The following DNAH5 variants were observed in gnomAD, a reference collection of about 807,000 sequenced individuals.
DNAH5 encodes the protein dynein axonemal heavy chain 5, also known as axonemal beta dynein heavy chain 5.
In DNAH5, 372 loss-of-function variants were observed where a neutral mutation model predicts 518.2. The ratio of observed to expected loss-of-function variants is 0.72; its 90% CI spans 0.66 to 0.78. DNAH5 has a LOEUF of 0.78. Among genes scored for constraint, DNAH5 ranks in the 30% least tolerant of loss-of-function variants. The probability of loss-of-function intolerance (pLI) is 0.00; values close to 1 mark genes in which losing one functional copy is unlikely to be tolerated. For missense variants in DNAH5, 5,523 were observed against 5,687.0 expected, an observed-to-expected ratio of 0.97 and a Z score of 0.93; for synonymous variants, 2,039 against 2,025.9, an observed-to-expected ratio of 1.01 and a Z score of -0.17.
intron 1 of DNAH5, 56 bp from the exon 2 acceptor site, chr5:13,931,300 T>C: frequency 2.5e-6 from 4 of 1,608,084 alleles, no homozygotes; most frequent in Non-Finnish European, 3.4e-6. Context: ...AGTGGATTCA[T>C]TTTGTAATAA....
chr5:13,850,636 G>A lies in DNAH5; in HGVS notation c.5114+16C>T. Reference sequence around the variant, plus strand: ...CTCAAGGATACCGAGAGCTTTCAAAGAGCCAGTGAACTTACCCAGTAAGGG... The same window carrying A: ...CTCAAGGATACCGAGAGCTTTCAAAAAGCCAGTGAACTTACCCAGTAAGGG... On this transcript the variant is annotated intron_variant, in intron 31 of 78. Coordinates refer to ENST00000265104, the MANE Select transcript of DNAH5 (RefSeq NM_001369.3). The A allele has an allele frequency of 6.2e-7, 1 of 1,612,170 alleles. No homozygotes were observed.
chr5:13,871,470 A>T, intron 23 of DNAH5, 94 bp downstream of exon 23: 2 of 1,142,704 alleles, frequency 1.8e-6, no homozygotes, highest in Non-Finnish European at 2.6e-6. Flanking sequence ...GTCAATCTTT[A>T]AGACAGGTAG....
At chr5:13,770,661 G>A (rs1052095681) in intron 56 of DNAH5, 88 bp downstream of exon 56, 2 of 1,202,192 alleles carry the variant, frequency 1.7e-6, no homozygotes, top group African/African-American at 3.0e-5. Context: ...AATGTCTCCG[G>A]TCATTGCAAA....
At chr5:13,802,451 C>A (rs1758905419) in intron 47 of DNAH5, among the ~76,000 whole-genome samples, 1 of 152,150 alleles carries the variant, frequency 6.6e-6, no homozygotes, top group Non-Finnish European at 1.5e-5. Flanking sequence ...ATAATAAACT[C>A]CCCCAAGGAA....
chr5:13,928,528 G>T (rs1778107722), intron 2 of DNAH5, among the ~76,000 whole-genome samples: 1 of 152,172 alleles, frequency 6.6e-6, no homozygotes, highest in Non-Finnish European at 1.5e-5. Context: ...AGATAAGCAA[G>T]AACAAACCTT....
chr5:13,776,772 T>C (rs1007314351), intron 54 of DNAH5, 66 bp from the exon 55 acceptor site: 2 of 1,548,318 alleles, frequency 1.3e-6, no homozygotes, highest in African/African-American at 2.7e-5. Flanking sequence ...AATGTAGAGC[T>C]TAATACACAG....
chr5:13,729,357 C>T, intron 69 of DNAH5, 82 bp downstream of exon 69: 1 of 1,571,104 alleles, frequency 6.4e-7, no homozygotes, highest in Non-Finnish European at 8.7e-7. Flanking sequence ...AACTATCTCT[C>T]TTCCACAAAT....
chr5:13,765,505 A>T (rs958455028), intron 59 of DNAH5, among the ~76,000 whole-genome samples: 2 of 152,200 alleles, frequency 1.3e-5, no homozygotes, highest in Non-Finnish European at 2.9e-5. Flanking sequence ...CACAAGAGAG[A>T]TTTCTGGGGT....
rs369958239 is a variant in DNAH5, at chr5:13,810,093, C to G, written c.7575G>C (p.Gly2525=). The part of the protein sequence containing the change: ...TLELPPPAGP[G]DTAFDYYVAP... ...CCACATAGTAGTCGAAGGCGGTGTCCCCGGGCCCCGCTGGCGGCGGCAGCT... is the reference window on the plus strand; with the variant it reads ...CCACATAGTAGTCGAAGGCGGTGTCGCCGGGCCCCGCTGGCGGCGGCAGCT... The change falls in exon 45 of 79, where the codon GGG becomes GGC. Residue 2525 remains glycine (G), a synonymous_variant. Transcript: ENST00000265104. The G allele has an allele frequency of 2.1e-5, 33 of 1,552,548 alleles. No homozygotes were observed. The highest frequency in any genetic ancestry group is 2.7e-5 in the African/African-American group (2 of 73,204).
intron 1 of DNAH5, among the ~76,000 whole-genome samples, chr5:13,956,801 C>A (rs1023373692): frequency 5.9e-5 from 9 of 152,188 alleles, no homozygotes; most frequent in East Asian, 3.8e-4. Context: ...GATAGAATTG[C>A]ACACTGAAAT....
chr5:13,812,750 A>T lies in DNAH5; in HGVS notation c.7231-927T>A, dbSNP rs182856591. Among the ~76,000 whole-genome samples, 40 of 152,364 alleles carry T rather than the reference A, an allele frequency of 2.6e-4. No individual in the cohort carries two copies. In the East Asian group the frequency reaches 7.5e-3, roughly 29 times the overall value. On this transcript the variant is annotated intron_variant, in intron 43 of 78. Transcript: ENST00000265104. ...AATTTAGTCATTTGAGAAACCTAGT[A>T]TTAAGAAACTGCATCTCATAAATAC...
At position 13,817,399 on chromosome 5, in the gene DNAH5, A is replaced by G. The variant is rs1046120801; in HGVS notation, c.6988+149T>C. 1.8e-5 allele frequency: 14 copies of G among 758,356 alleles called. No individual in the cohort carries two copies. The African/African-American group carries it at 1.9e-4, about 10-fold the overall frequency. The allele number at this position is 758,356 out of a possible 1,614,324, so 47.0% of individuals were successfully genotyped here. The stretch of plus-strand genomic sequence containing the variant: ...TGTAATCAATAATTCCATTATTTCA[A>G]CTTTCACAAATATCACACTGATTTA... On this transcript the variant is annotated intron_variant, in intron 42 of 78. Transcript: ENST00000265104.
intron 24 of DNAH5, among the ~76,000 whole-genome samples, chr5:13,869,051 G>C (rs762498082): frequency 1.3e-5 from 2 of 152,118 alleles, no homozygotes; most frequent in South Asian, 2.1e-4. Context: ...CTTCATACTT[G>C]AGGGTATCCC....
chr5:13,896,090 A>T (rs1260074507), intron 15 of DNAH5, among the ~76,000 whole-genome samples: 1 of 151,896 alleles, frequency 6.6e-6, no homozygotes, highest in Non-Finnish European at 1.5e-5. Context: ...GTGGAAAGCA[A>T]GTCAGATCCT....
Position 13,917,002 on chromosome 5 carries a change from A to G in DNAH5, c.1089+141T>C, listed in dbSNP as rs72735065. The G allele has an allele frequency of 0.27, 185,957 of 697,784 alleles. 26,646 individuals carry two copies. The highest frequency in any genetic ancestry group is 0.35 in the South Asian group (22,230 of 63,290). The allele number at this position is 697,784 out of a possible 1,614,324, so 43.2% of individuals were successfully genotyped here. A position where few individuals can be genotyped will look rare whatever the true frequency, so the allele number is the denominator to read the frequency against. ...TGTGCGTCTGCGTGTATATACCTATATATATGTAATTTTCTTGAAAATAAA... is the reference window on the plus strand; with the variant it reads ...TGTGCGTCTGCGTGTATATACCTATGTATATGTAATTTTCTTGAAAATAAA... On this transcript the variant is annotated intron_variant, in intron 8 of 78. Transcript: ENST00000265104.
rs769054713 is a variant in DNAH5 at position 13,777,309 on chromosome 5, G to C, written c.8998C>G (p.Arg3000Gly). 1.2e-6 allele frequency: 2 copies of C among 1,613,320 alleles called. No homozygotes were observed. The highest frequency in any genetic ancestry group is 1.7e-6 in the Non-Finnish European group (2 of 1,179,610). ...CCTTTGCCTTGCTGACCAGCTGTTC[G>C]ATACAAAACCTTCAGATCTTCCATC... ...NLMEDLKVLY[R>G]TAGQQGKGIT... The change falls in exon 54 of 79, where the codon CGA (arginine) becomes GGA (glycine). Residue 3000 changes from arginine (R) to glycine (G), a missense_variant. By Grantham distance (125) the Arg-to-Gly change is moderately radical (BLOSUM62 -2). Coordinates refer to ENST00000265104, the MANE Select transcript of DNAH5 (RefSeq NM_001369.3).
chr5:13,842,479 GAA>G (rs1205937412), intron 32 of DNAH5, among the ~76,000 whole-genome samples: 1 of 114,470 alleles, frequency 8.7e-6, no homozygotes, highest in African/African-American at 3.6e-5. Context: ...AAGAAAGAAA[GAA>G]AGAGAAAGAA....
intron 68 of DNAH5, among the ~76,000 whole-genome samples, chr5:13,733,419 T>C (rs1192982702): frequency 6.6e-6 from 1 of 152,090 alleles, no homozygotes; most frequent in Admixed American, 6.6e-5. Flanking sequence ...CAACAATCCA[T>C]TGAAAAGCTC....
rs368448770 is a variant in DNAH5 at position 13,864,491 on chromosome 5, G to A, written c.4502C>T (p.Thr1501Ile). 8.1e-6 allele frequency: 13 copies of A among 1,614,128 alleles called. No homozygotes were observed. The African/African-American group carries it at 1.6e-4, about 20-fold the overall frequency. Residue 1501 changes from threonine to isoleucine, a missense_variant, in exon 28 of 79, where the codon ACC becomes ATC. Transcript: ENST00000265104. ...CACATCCAGACTGTGCCCGGTGAGG[G>A]TGGTTATCCTTTCCCAGTGCCGCTC... is the stretch of plus-strand genomic sequence containing the variant. ...MMERHWERIT[T>I]LTGHSLDVGN...
Sources: allele counts gnomAD v4.1 joint callset (sites outside exome capture counted in the v4.1 genomes callset), GRCh38; gene constraint gnomAD v4.1.1; transcripts MANE v1.5; gene names NCBI Gene and HGNC (gene_info 2026-07-23, HGNC 2026-07-21).